The following ASTN2 variants were observed in gnomAD, a reference collection of about 807,000 sequenced individuals.
ASTN2 encodes astrotactin 2, also known as astrotactin-2.
Under a neutral mutation model 139.8 loss-of-function variants are expected in ASTN2, and 54 were observed. That is an observed-to-expected ratio of 0.39 (90% confidence interval 0.31 to 0.48). ASTN2 has a LOEUF of 0.48. Among genes scored for constraint, ASTN2 ranks in the 20% least tolerant of loss-of-function variants. The pLI, the probability that ASTN2 is intolerant of heterozygous loss-of-function variation, is 0.95. For synonymous variants in ASTN2, 756 were observed against 719.5 expected, an observed-to-expected ratio of 1.05 and a Z score of -0.81; for missense variants, 1,565 against 1,725.1, an observed-to-expected ratio of 0.91 and a Z score of 1.64.
chr9:117,221,207 C>T (rs886655139), intron 2 of ASTN2, among the ~76,000 whole-genome samples: 3 of 152,078 alleles, frequency 2.0e-5, no homozygotes, highest in Admixed American at 2.0e-4. Flanking sequence ...AATGCCAGTG[C>T]CTTCAGCTGG....
At chr9:116,690,424 C>G (rs768786063) in intron 16 of ASTN2, among the ~76,000 whole-genome samples, 6 of 152,160 alleles carry the variant, frequency 3.9e-5, no homozygotes, top group African/African-American at 7.2e-5. Context: ...TTATTAGAAG[C>G]CTTTTCCAAC....
chr9:116,944,960 GAT>G (rs2132475790), intron 10 of ASTN2, among the ~76,000 whole-genome samples: 1 of 152,284 alleles, frequency 6.6e-6, no homozygotes, highest in South Asian at 2.1e-4. Context: ...AAAGTCCAGA[GAT>G]AGTAAGGATT....
At chr9:116,745,413 C>T (rs1442800007) in intron 13 of ASTN2, among the ~76,000 whole-genome samples, 3 of 152,186 alleles carry the variant, frequency 2.0e-5, no homozygotes, top group Non-Finnish European at 4.4e-5. Flanking sequence ...AGACAGACCT[C>T]GTGGTGTCGT....
intron 10 of ASTN2, among the ~76,000 whole-genome samples, chr9:116,958,306 A>G (rs1835775829): frequency 2.0e-5 from 3 of 152,046 alleles, no homozygotes; most frequent in Admixed American, 2.0e-4. Flanking sequence ...AAGAGCCAAC[A>G]CTGGCCGGGC....
chr9:117,396,685 C>A (rs1257699606), intron 1 of ASTN2, among the ~76,000 whole-genome samples: 1 of 152,002 alleles, frequency 6.6e-6, no homozygotes, highest in Non-Finnish European at 1.5e-5. Flanking sequence ...TCTGCCTTAG[C>A]TTCCTGAGTT....
At chr9:116,892,827 A>C (rs1043598962) in intron 10 of ASTN2, among the ~76,000 whole-genome samples, 1 of 152,150 alleles carries the variant, frequency 6.6e-6, no homozygotes, top group African/African-American at 2.4e-5. Context: ...TATTTAGCAA[A>C]TAAAAATAAA....
rs548911601 is a variant in ASTN2, at chr9:117,209,584, C to G, written c.1015+4774G>C. Among the ~76,000 whole-genome samples, 11 of 152,124 alleles carry G rather than the reference C, an allele frequency of 7.2e-5. 1 individual carries two copies. Among genetic ancestry groups the G allele is most frequent in the Admixed American group, 2.6e-4 (4 of 15,288 alleles). On this transcript the variant is annotated intron_variant, in intron 3 of 22. Transcript: ENST00000313400. ...ATATTACTAGATCTAAAGGGAGAGA[C>G]AGACTCCAGTAAAATAATAATTGGG... is the stretch of plus-strand genomic sequence containing the variant.
rs144404617 is a variant in ASTN2, at chr9:117,145,102, A to G, written c.1016-3624T>C. 4.3e-3 allele frequency among the ~76,000 whole-genome samples: 656 copies of G among 152,242 alleles called. 4 individuals are homozygous for G. Among genetic ancestry groups the G allele is most frequent in the African/African-American group, 0.015 (613 of 41,532 alleles). Reference sequence around the variant, plus strand: ...GTATTTTATCACCCAGGTAATAAGCATAGTACTTGATAGGGAGTTTTTCTA... The same window carrying G: ...GTATTTTATCACCCAGGTAATAAGCGTAGTACTTGATAGGGAGTTTTTCTA... On this transcript the variant is annotated intron_variant, in intron 3 of 22. Transcript: ENST00000313400.
intron 19 of ASTN2, among the ~76,000 whole-genome samples, chr9:116,561,006 T>G (rs1852883332): frequency 6.7e-6 from 1 of 148,362 alleles, no homozygotes; most frequent in African/African-American, 2.5e-5. Context: ...TAGAGATATC[T>G]AGATGAACTC....
chr9:116,982,283 A>G (rs1007035516), intron 7 of ASTN2, among the ~76,000 whole-genome samples: 3 of 152,164 alleles, frequency 2.0e-5, no homozygotes, highest in Non-Finnish European at 2.9e-5. Flanking sequence ...TCCTTTACCT[A>G]TAATGGAGCT....
At chr9:116,689,877 G>GA (rs1283858386) in intron 16 of ASTN2, among the ~76,000 whole-genome samples, 3 of 152,188 alleles carry the variant, frequency 2.0e-5, no homozygotes, top group South Asian at 2.1e-4. Context: ...CCATTGGCTT[G>GA]AAAAAACACC....
chr9:116,601,336 G>T (rs1462334320), intron 19 of ASTN2, among the ~76,000 whole-genome samples: 1 of 152,166 alleles, frequency 6.6e-6, no homozygotes, highest in African/African-American at 2.4e-5. Context: ...TAAATTAGAA[G>T]AATCATAGTT....
intron 1 of ASTN2, among the ~76,000 whole-genome samples, chr9:117,311,371 C>T (rs564732336): frequency 6.6e-6 from 1 of 152,248 alleles, no homozygotes; most frequent in African/African-American, 2.4e-5. Context: ...ATTTTCAGAG[C>T]CCTGTTTCCC....
At chr9:117,082,141 G>A (rs919504096) in intron 5 of ASTN2, among the ~76,000 whole-genome samples, 3 of 152,174 alleles carry the variant, frequency 2.0e-5, no homozygotes, top group African/African-American at 7.2e-5. Context: ...ACACTCCTGA[G>A]CTCAGATCTG....
intron 3 of ASTN2, among the ~76,000 whole-genome samples, chr9:117,167,933 A>G (rs1258699050): frequency 6.6e-6 from 1 of 152,146 alleles, no homozygotes; most frequent in Non-Finnish European, 1.5e-5. Flanking sequence ...GGTGATAAGA[A>G]CTGATCTAAA....
At chr9:116,490,442 G>T (rs1849482846) in intron 19 of ASTN2, among the ~76,000 whole-genome samples, 1 of 151,942 alleles carries the variant, frequency 6.6e-6, no homozygotes, top group Non-Finnish European at 1.5e-5. Flanking sequence ...TTGAGCTTGG[G>T]TCCATGTCTG....
intron 1 of ASTN2, among the ~76,000 whole-genome samples, chr9:117,385,058 G>T (rs1229132396): frequency 6.6e-6 from 1 of 152,110 alleles, no homozygotes; most frequent in East Asian, 1.9e-4. Flanking sequence ...ACTATATATA[G>T]TATCGAAGTT....
intron 13 of ASTN2, among the ~76,000 whole-genome samples, chr9:116,791,055 A>AAAGAC (rs1830543187): frequency 6.6e-6 from 1 of 151,864 alleles, no homozygotes; most frequent in Non-Finnish European, 1.5e-5. Flanking sequence ...AAAGAAAAGA[A>AAAGAC]AGAAAGAAGG....
chr9:116,883,862 G>T (rs1833519734), intron 10 of ASTN2, among the ~76,000 whole-genome samples: 1 of 152,196 alleles, frequency 6.6e-6, no homozygotes, highest in Admixed American at 6.5e-5. Context: ...AGAGCTTCTG[G>T]ATTTGGGACA....
Sources: allele counts gnomAD v4.1 joint callset (sites outside exome capture counted in the v4.1 genomes callset), GRCh38; gene constraint gnomAD v4.1.1; transcripts MANE v1.5; gene names NCBI Gene and HGNC (gene_info 2026-07-23, HGNC 2026-07-21).